Variants in PFKP observed in about 807,000 individuals in gnomAD.
PFKP encodes the protein ATP-dependent 6-phosphofructokinase, platelet type.
PFKP carries 101 observed loss-of-function variants against 94.3 expected under a neutral mutation model. That is an observed-to-expected ratio of 1.07 (90% confidence interval 0.91 to 1.26). The LOEUF is 1.26. Ranked by LOEUF, PFKP falls within the 50% of genes most tolerant of loss-of-function variation. The probability of loss-of-function intolerance (pLI) is 0.00; values close to 1 mark genes in which losing one functional copy is unlikely to be tolerated. For synonymous variants in PFKP, 573 were observed against 432.6 expected (o/e 1.32, Z -4.03); for missense variants, 1,145 against 1,103.3 (o/e 1.04, Z -0.53).
At chr10:3,121,275 G>A (rs1249529843) in intron 16 of PFKP, among the ~76,000 whole-genome samples, 1 of 152,232 alleles carries the variant, frequency 6.6e-6, no homozygotes, top group African/African-American at 2.4e-5. Context: ...TCCTGGTGGT[G>A]GGTGTCACGG....
Position 3,118,858 on chromosome 10 carries a change from G to T in PFKP, c.1519G>T (p.Gly507Cys), listed in dbSNP as rs1378989519. The T allele has an allele frequency of 4.3e-6, 7 of 1,612,438 alleles. No individual in the cohort carries two copies. The highest frequency in any genetic ancestry group is 4.2e-6 in the Non-Finnish European group (5 of 1,178,888). ...THSINALLII[G>C]GFEAYLGLLE... ...CAGCATCAACGCGCTGCTGATCATCGGTGGATTCGAGGTACGTTACCGTTT... is the reference window on the plus strand; with the variant it reads ...CAGCATCAACGCGCTGCTGATCATCTGTGGATTCGAGGTACGTTACCGTTT... Residue 507 changes from glycine (G) to cysteine (C), a missense_variant, in exon 15 of 22, where the codon GGT (glycine) becomes TGT (cysteine). Physicochemically the swap from Gly to Cys is radical, Grantham distance 159 (BLOSUM62 -3). This residue lies in a region of PFKP where 1,119 missense variants were observed against 1,062.8 expected (regional missense o/e 1.05). Transcript: ENST00000381125.
At chr10:3,113,586 G>A (rs533533730) in intron 13 of PFKP, 68 bp downstream of exon 13, 223 of 1,456,096 alleles carry the variant, frequency 1.5e-4, no homozygotes, top group Non-Finnish European at 1.9e-4. Flanking sequence ...GTGGCGGCGG[G>A]GGGGTGCCCT....
Position 3,113,403 on chromosome 10 carries a change from G to T in PFKP, c.1256G>T (p.Gly419Val). ...TNCNVAVINV[G>V]APAAGMNAAV... ...TGCAACGTAGCTGTCATCAACGTGG[G>T]GGCACCCGCGGCTGGGATGAACGCA... Residue 419 changes from glycine (G) to valine (V), a missense_variant, in exon 13 of 22, where the codon GGG (glycine) becomes GTG (valine). Coordinates refer to ENST00000381125, the MANE Select transcript of PFKP (RefSeq NM_002627.5). The T allele has an allele frequency of 6.3e-7, 1 of 1,598,442 alleles. No homozygotes were observed. The highest frequency in any genetic ancestry group is 1.1e-5 in the South Asian group (1 of 89,380).
At position 3,101,529 on chromosome 10, in the gene PFKP, G is replaced by C. The variant is rs1834995641; in HGVS notation, c.429G>C (p.Gly143=). Residue 143 remains glycine, a synonymous_variant, in exon 4 of 22, where the codon GGG becomes GGC. Transcript: ENST00000381125. ...GANLFRKEWS[G]LLEELARNGQ... ...ACCTCTTCCGGAAGGAGTGGAGTGG[G>C]CTGCTGGAGGAGCTGGCCAGGAACG... 1 of 1,561,698 alleles carries C rather than the reference G, an allele frequency of 6.4e-7. No homozygotes were observed. Among genetic ancestry groups the C allele is most frequent in the Admixed American group, 1.9e-5 (1 of 53,390 alleles).
intron 3 of PFKP, among the ~76,000 whole-genome samples, chr10:3,100,144 G>C (rs1834860870): frequency 6.6e-6 from 1 of 151,704 alleles, no homozygotes; most frequent in Admixed American, 6.6e-5. Flanking sequence ...CAGTTATCCT[G>C]GTTTCGTTCC....
chr10:3,111,688 A>G (rs545717159), intron 10 of PFKP, among the ~76,000 whole-genome samples: 5 of 152,184 alleles, frequency 3.3e-5, no homozygotes, highest in Admixed American at 2.6e-4. Context: ...GAACTTGACC[A>G]AGATCCTGAC....
intron 16 of PFKP, among the ~76,000 whole-genome samples, chr10:3,121,789 A>AT (rs1554775248): frequency 1.6e-5 from 1 of 61,820 alleles, no homozygotes; most frequent in Non-Finnish European, 3.5e-5. Context: ...AGGTTAAACA[A>AT]TTTCTTTTTT....
chr10:3,110,024 C>T (rs1247752716), intron 10 of PFKP, among the ~76,000 whole-genome samples: 1 of 152,116 alleles, frequency 6.6e-6, no homozygotes, highest in African/African-American at 2.4e-5. Context: ...CAAGGACATT[C>T]AGGTCTGTGA....
intron 2 of PFKP, among the ~76,000 whole-genome samples, chr10:3,096,112 G>A (rs1305434456): frequency 2.6e-5 from 4 of 152,194 alleles, no homozygotes; most frequent in Non-Finnish European, 2.9e-5. Flanking sequence ...GATTAAATCC[G>A]TATTTAAATT....
At chr10:3,098,842 G>C (rs374442359) in intron 2 of PFKP, among the ~76,000 whole-genome samples, 1 of 152,120 alleles carries the variant, frequency 6.6e-6, no homozygotes, top group Non-Finnish European at 1.5e-5. Context: ...CCCAAGTGGC[G>C]CAGGGTGCCT....
chr10:3,100,006 C>G (rs369856830), intron 3 of PFKP, among the ~76,000 whole-genome samples: 33 of 149,228 alleles, frequency 2.2e-4, no homozygotes, highest in African/African-American at 7.7e-4. Context: ...GAATGTGTAT[C>G]TGTGTGTGGG....
At chr10:3,121,793 CTTTTTTTTTCTTTTTTTTTTTTTTTTTT>C (rs1210561978) in intron 16 of PFKP, among the ~76,000 whole-genome samples, 4 of 96,878 alleles carry the variant, frequency 4.1e-5, no homozygotes, top group East Asian at 2.9e-4. Flanking sequence ...TAAACAATTT[CTTTTTTTTTCTTTTTTTTTTTTTTTTTT>C]TTTTTTTTTC....
At chr10:3,130,983 A>G (rs1340868159) in intron 17 of PFKP, among the ~76,000 whole-genome samples, 2 of 152,204 alleles carry the variant, frequency 1.3e-5, no homozygotes. Context: ...ATATTTGTGG[A>G]GTCATTCACT....
At chr10:3,071,154 G>T (rs917027982) in intron 1 of PFKP, among the ~76,000 whole-genome samples, 5 of 152,088 alleles carry the variant, frequency 3.3e-5, no homozygotes, top group Admixed American at 2.6e-4. Context: ...AAATTACACA[G>T]ATATTCTTTG....
chr10:3,105,292 C>T, intron 6 of PFKP, 101 bp from the exon 7 acceptor site: 2 of 1,297,110 alleles, frequency 1.5e-6, no homozygotes, highest in Non-Finnish European at 1.1e-6. Flanking sequence ...CGCTTCATAC[C>T]TGGCGTTAGG....
chr10:3,075,380 G>C (rs1832500639), intron 1 of PFKP, among the ~76,000 whole-genome samples: 1 of 151,798 alleles, frequency 6.6e-6, no homozygotes, highest in African/African-American at 2.4e-5. Context: ...CTGGTCGAAA[G>C]TCAAGAGGTA....
chr10:3,079,642 G>T (rs1832874597), intron 1 of PFKP, among the ~76,000 whole-genome samples: 1 of 128,942 alleles, frequency 7.8e-6, no homozygotes, highest in Non-Finnish European at 1.7e-5. Flanking sequence ...CGGTGGGAAC[G>T]AGGTCTTCAG....
intron 20 of PFKP, among the ~76,000 whole-genome samples, chr10:3,135,421 T>A (rs1415442774): frequency 6.8e-6 from 1 of 147,390 alleles, no homozygotes; most frequent in Non-Finnish European, 1.5e-5. Context: ...TCAGTGTGTG[T>A]ATGTGTGAGC....
chr10:3,133,420 C>A, intron 19 of PFKP, 106 bp downstream of exon 19: 1 of 781,300 alleles, frequency 1.3e-6, no homozygotes, highest in Non-Finnish European at 2.2e-6. Context: ...AAGTAAATTC[C>A]AAGATGATAA....
Sources: gnomAD v4.1 joint callset for allele counts (sites outside exome capture counted in the v4.1 genomes callset) on GRCh38, gnomAD v4.1.1 for gene constraint, gnomAD v4.1.1 regional missense constraint, MANE v1.5 for transcripts, NCBI Gene and HGNC (gene_info 2026-07-23, HGNC 2026-07-21) for gene names.